Variants in ABCG1 observed in about 807,000 individuals in gnomAD.
ABCG1 encodes the protein ATP-binding cassette sub-family G member 1.
In ABCG1, 29 loss-of-function variants were observed where a neutral mutation model predicts 69.2. The ratio of observed to expected loss-of-function variants is 0.42; its 90% confidence interval spans 0.31 to 0.57. ABCG1 has a LOEUF of 0.57. Ranked by LOEUF, ABCG1 falls within the 20% of genes least tolerant of loss-of-function variation. The probability of loss-of-function intolerance (pLI) is 0.15; values close to 1 mark genes in which losing one functional copy is unlikely to be tolerated. For synonymous variants in ABCG1, 370 were observed against 374.8 expected, an observed-to-expected ratio of 0.99 and a Z score of 0.15; for missense variants, 718 against 898.1, an observed-to-expected ratio of 0.80 and a Z score of 2.56.
chr21:42,277,010 G>A, intron 5 of ABCG1, 65 bp downstream of exon 5: 2 of 1,546,222 alleles, frequency 1.3e-6, no homozygotes, highest in East Asian at 2.2e-5. Context: ...TGGAAGGTGT[G>A]CCTGCCGGGG....
chr21:42,244,923 G>A (rs900426702), intron 2 of ABCG1, among the ~76,000 whole-genome samples: 2 of 152,230 alleles, frequency 1.3e-5, no homozygotes, highest in South Asian at 4.1e-4. Flanking sequence ...GGAGCCATCC[G>A]TGGAAGGGGT....
chr21:42,240,818 G>A (rs2068040292), intron 2 of ABCG1, among the ~76,000 whole-genome samples: 1 of 152,286 alleles, frequency 6.6e-6, no homozygotes, highest in Non-Finnish European at 1.5e-5. Flanking sequence ...TTGTCTAATG[G>A]TGGAGGCTGC....
chr21:42,294,755 G>T (rs1441763597), intron 14 of ABCG1, 95 bp downstream of exon 14: 2 of 1,142,516 alleles, frequency 1.8e-6, no homozygotes, highest in Non-Finnish European at 1.3e-6. Flanking sequence ...GCCACTCTGG[G>T]CTGCTGGCCA....
At chr21:42,248,750 A>T (rs2068173649) in intron 2 of ABCG1, among the ~76,000 whole-genome samples, 1 of 151,814 alleles carries the variant, frequency 6.6e-6, no homozygotes, top group Admixed American at 6.6e-5. Flanking sequence ...AAAAAATTAA[A>T]AAAAAAAACA....
intron 2 of ABCG1, among the ~76,000 whole-genome samples, chr21:42,244,676 G>A (rs980228987): frequency 6.6e-6 from 1 of 152,308 alleles, no homozygotes; most frequent in South Asian, 2.1e-4. Flanking sequence ...GCACATGGCA[G>A]TGGTCGTCTG....
intron 13 of ABCG1, among the ~76,000 whole-genome samples, chr21:42,293,095 C>T (rs1396944496): frequency 7.5e-6 from 1 of 133,394 alleles, no homozygotes; most frequent in African/African-American, 2.8e-5. Flanking sequence ...CACTACACAC[C>T]ACACACGGTA....
intron 2 of ABCG1, among the ~76,000 whole-genome samples, chr21:42,266,364 G>A (rs1242380300): frequency 6.6e-6 from 1 of 152,068 alleles, no homozygotes; most frequent in Non-Finnish European, 1.5e-5. Context: ...TTCAGCCAAG[G>A]TGAGTCTGAT....
At chr21:42,237,241 T>C (rs752334057) in intron 2 of ABCG1, among the ~76,000 whole-genome samples, 12 of 152,236 alleles carry the variant, frequency 7.9e-5, no homozygotes, top group Non-Finnish European at 1.6e-4. Flanking sequence ...AATATGAATT[T>C]CAAAGAGCTT....
At chr21:42,260,261 C>T in intron 2 of ABCG1, 1 of 1,500,372 alleles carries the variant, frequency 6.7e-7, no homozygotes, top group Non-Finnish European at 8.9e-7. Flanking sequence ...TAGGACCCAG[C>T]TTCCACCACG....
intron 5 of ABCG1, among the ~76,000 whole-genome samples, chr21:42,279,296 C>A (rs2068764725): frequency 6.6e-6 from 1 of 152,086 alleles, no homozygotes; most frequent in Admixed American, 6.5e-5. Context: ...GTCTCTCTGA[C>A]CCAAAATAAG....
intron 2 of ABCG1, among the ~76,000 whole-genome samples, chr21:42,260,538 C>A (rs540692075): frequency 6.6e-6 from 1 of 152,256 alleles, no homozygotes; most frequent in East Asian, 1.9e-4. Flanking sequence ...TGGAAGGGCC[C>A]CAACTCCCCA....
At chr21:42,223,315 G>T (rs1034053438) in intron 1 of ABCG1, among the ~76,000 whole-genome samples, 1 of 152,210 alleles carries the variant, frequency 6.6e-6, no homozygotes, top group African/African-American at 2.4e-5. Flanking sequence ...TATTTCTGCA[G>T]AAAGATTTCG....
chr21:42,232,488 G>T (rs575052679), intron 2 of ABCG1, among the ~76,000 whole-genome samples: 1 of 152,218 alleles, frequency 6.6e-6, no homozygotes, highest in African/African-American at 2.4e-5. Context: ...AGATTGGCAG[G>T]TTCTTTATTT....
intron 5 of ABCG1, among the ~76,000 whole-genome samples, chr21:42,281,529 C>G (rs1483432204): frequency 6.6e-6 from 1 of 152,244 alleles, no homozygotes. Flanking sequence ...TGGCGTGCAG[C>G]CTGCTTCCCA....
At position 42,290,170 on chromosome 21, in the gene ABCG1, T is replaced by A; in HGVS notation, c.1345T>A (p.Ser449Thr). The change falls in exon 11 of 15, where the codon TCC becomes ACC. Residue 449 changes from serine (S) to threonine (T), a missense_variant. Ser to Thr is a moderately conservative substitution (Grantham distance 58). Transcript: ENST00000398449. ...VLSNSGFLFF[S>T]MLFLMFAALM... is the part of the protein sequence containing the mutation. ...GAGCAACTCCGGCTTCCTCTTCTTC[T>A]CCATGCTGTTCCTCATGTTCGCGGC... 1 of 1,614,162 alleles carries A rather than the reference T, an allele frequency of 6.2e-7. No homozygotes were observed. The highest frequency in any genetic ancestry group is 8.5e-7 in the Non-Finnish European group (1 of 1,180,042).
At position 42,296,513 on chromosome 21, in the gene ABCG1, A is replaced by C; in HGVS notation, c.*121A>C. The stretch of plus-strand genomic sequence containing the variant: ...AGACTCTTCTGATCCAACCCCTAGA[A>C]CCGCGTTGGGTTTGTGGGTGTCTCG... On this transcript the variant is annotated 3_prime_UTR_variant, in exon 15 of 15. Coordinates refer to ENST00000398449, the MANE Select transcript of ABCG1 (RefSeq NM_016818.3). The surrounding 1 kb of genome is among the most constrained non-coding windows in gnomAD (Gnocchi z 5.4). 1 of 884,042 alleles carries C rather than the reference A, an allele frequency of 1.1e-6. No homozygotes were observed. 54.8% of individuals were successfully genotyped at this position (884,042 alleles called of 1,614,324 possible). A position where few individuals can be genotyped will look rare whatever the true frequency, so the allele number is the denominator to read the frequency against.
At chr21:42,256,537 C>T in intron 2 of ABCG1, 1 of 1,548,572 alleles carries the variant, frequency 6.5e-7, no homozygotes, top group Non-Finnish European at 8.7e-7. Context: ...GAAATAATGT[C>T]ACAACAAATA....
chr21:42,245,337 T>C (rs773333403), intron 2 of ABCG1, among the ~76,000 whole-genome samples: 1 of 152,140 alleles, frequency 6.6e-6, no homozygotes, highest in Non-Finnish European at 1.5e-5. Context: ...TTTTTGTAGT[T>C]ATAAAAATTA....
chr21:42,279,780 G>A (rs1224623646), intron 5 of ABCG1, among the ~76,000 whole-genome samples: 2 of 152,222 alleles, frequency 1.3e-5, no homozygotes, highest in Non-Finnish European at 2.9e-5. Context: ...CAGCAAGCCA[G>A]GCCCTTGGCC....
Sources: allele counts gnomAD v4.1 joint callset (sites outside exome capture counted in the v4.1 genomes callset), GRCh38; gene constraint gnomAD v4.1.1; non-coding constraint Gnocchi (gnomAD v3.1); transcripts MANE v1.5; gene names NCBI Gene and HGNC (gene_info 2026-07-23, HGNC 2026-07-21).